The following USP34 variants were observed in gnomAD, a reference collection of about 807,000 sequenced individuals.
USP34 encodes ubiquitin specific peptidase 34.
USP34 carries 70 observed loss-of-function variants against 460.3 expected under a neutral mutation model. The ratio of observed to expected loss-of-function variants is 0.15; its 90% CI spans 0.13 to 0.19. USP34 has a LOEUF of 0.19. USP34 is among the 10% of genes least tolerant of loss of function. The pLI is 1.00. For synonymous variants in USP34, 1,647 were observed against 1,405.3 expected (o/e 1.17, Z -3.85); for missense variants, 3,985 against 4,236.2 (o/e 0.94, Z 1.65).
intron 75 of USP34, chr2:61,200,361 C>T (rs1686939259): frequency 6.6e-6 from 1 of 152,362 alleles, no homozygotes; most frequent in South Asian, 2.1e-4. Flanking sequence ...TTCTCTTTCC[C>T]TTTCTTTCCG....
chr2:61,456,176 G>A (rs1048676182), intron 1 of USP34, among the ~76,000 whole-genome samples: 8 of 152,220 alleles, frequency 5.3e-5, no homozygotes, highest in Non-Finnish European at 8.8e-5. Flanking sequence ...ATGGTTTTCA[G>A]TGTATTAGAT....
At chr2:61,449,191 C>T (rs544754098) in intron 1 of USP34, among the ~76,000 whole-genome samples, 21 of 150,698 alleles carry the variant, frequency 1.4e-4, no homozygotes, top group East Asian at 3.9e-4. Flanking sequence ...GAGGAGCGCT[C>T]GAACCTGGAA....
intron 38 of USP34, among the ~76,000 whole-genome samples, chr2:61,280,561 G>C (rs555074471): frequency 2.2e-4 from 34 of 151,920 alleles, no homozygotes; most frequent in Admixed American, 1.6e-3. Flanking sequence ...GAAAATATTA[G>C]TCTCAAATTA....
chr2:61,206,133 A>G lies in USP34; in HGVS notation c.9047-9T>C, dbSNP rs1206397682. 2 of 1,607,744 alleles carry G rather than the reference A, an allele frequency of 1.2e-6. No individual in the cohort carries two copies. Among genetic ancestry groups the G allele is most frequent in the East Asian group, 2.2e-5 (1 of 44,806 alleles). On this transcript the variant is annotated splice_polypyrimidine_tract_variant and intron_variant, in intron 71 of 79. Transcript: ENST00000398571. ...TAATGCTTGTTTCACATCTGCAAAT[A>G]TAAAAGCACATATAAATATGCCATC... is the stretch of plus-strand genomic sequence containing the variant.
Position 61,405,736 on chromosome 2 carries a change from T to C in USP34, c.524A>G (p.Tyr175Cys). The C allele has an allele frequency of 1.9e-6, 3 of 1,575,156 alleles. No individual in the cohort carries two copies. The highest frequency in any genetic ancestry group is 2.6e-6 in the Non-Finnish European group (3 of 1,165,380). ...AATAGTAGGGTGAGTATTATGCTTG[T>C]AAGCAGTATATAAGGGAAACTGAAT... is the stretch of plus-strand genomic sequence containing the variant. ...FQIQFPLYTA[Y>C]KHNTHPTIED... Residue 175 changes from tyrosine to cysteine, a missense_variant, in exon 3 of 80, where the codon TAC becomes TGC. Around this residue, in one of 14 missense-constraint regions of USP34, gnomAD observed 331 missense variants for 293.7 expected, o/e 1.13. Transcript: ENST00000398571.
At chr2:61,283,291 G>A in intron 36 of USP34, 22 bp from the exon 37 acceptor site, 1 of 1,607,782 alleles carries the variant, frequency 6.2e-7, no homozygotes, top group Non-Finnish European at 8.5e-7. Context: ...TTAGAAAACA[G>A]TTCACTATAA....
chr2:61,266,455 T>C (rs1689049241), intron 41 of USP34, among the ~76,000 whole-genome samples: 1 of 152,216 alleles, frequency 6.6e-6, no homozygotes, highest in South Asian at 2.1e-4. Flanking sequence ...AAAGTTTTTG[T>C]TAAGGCCTCA....
At chr2:61,392,904 C>T (rs1186805776) in intron 5 of USP34, among the ~76,000 whole-genome samples, 3 of 152,260 alleles carry the variant, frequency 2.0e-5, no homozygotes, top group East Asian at 3.9e-4. Context: ...GATACTTTCT[C>T]TCAGAGAATG....
At chr2:61,358,072 G>C (rs546005255) in intron 10 of USP34, among the ~76,000 whole-genome samples, 2 of 152,166 alleles carry the variant, frequency 1.3e-5, no homozygotes, top group South Asian at 4.1e-4. Flanking sequence ...CATGCCTGTA[G>C]TCCCAGCTAC....
chr2:61,329,667 G>A (rs1558533023), intron 20 of USP34, among the ~76,000 whole-genome samples: 1 of 152,080 alleles, frequency 6.6e-6, no homozygotes, highest in Non-Finnish European at 1.5e-5. Context: ...AAGAATCTCT[G>A]GATGTGGTTA....
Position 61,223,235 on chromosome 2 carries a change from G to C in USP34, c.7644+13C>G, listed in dbSNP as rs1687639354. The C allele has an allele frequency of 3.1e-6, 5 of 1,613,934 alleles. No individual in the cohort carries two copies. Among genetic ancestry groups the C allele is most frequent in the Non-Finnish European group, 3.4e-6 (4 of 1,179,918 alleles). Reference sequence around the variant, plus strand: ...GTGATGATCAAATTGTCTAATATTAGAGAATGTACTACCTTTCCTCCTGTT... The same window carrying C: ...GTGATGATCAAATTGTCTAATATTACAGAATGTACTACCTTTCCTCCTGTT... On this transcript the variant is annotated intron_variant, in intron 63 of 79. Transcript: ENST00000398571.
At chr2:61,350,180 T>C (rs1264878955) in intron 12 of USP34, 80 bp downstream of exon 12, 1 of 1,410,728 alleles carries the variant, frequency 7.1e-7, no homozygotes. Flanking sequence ...AAGATTGAAC[T>C]GAATGTATTA....
intron 23 of USP34, among the ~76,000 whole-genome samples, chr2:61,316,385 G>A (rs1329556116): frequency 3.3e-5 from 5 of 152,138 alleles, no homozygotes; most frequent in South Asian, 4.2e-4. Context: ...AGGAGTTCGA[G>A]ACTAGTCTGG....
At chr2:61,351,459 T>C (rs1208796358) in intron 10 of USP34, among the ~76,000 whole-genome samples, 1 of 146,942 alleles carries the variant, frequency 6.8e-6, no homozygotes, top group African/African-American at 2.4e-5. Context: ...TATTATGTCA[T>C]GTAAAATAAA....
chr2:61,258,121 C>T (rs983886830), intron 44 of USP34, among the ~76,000 whole-genome samples: 14 of 151,978 alleles, frequency 9.2e-5, no homozygotes, highest in Admixed American at 2.0e-4. Context: ...TGGGAGGGTA[C>T]GGCGAGTTGA....
At chr2:61,419,150 G>A (rs1213225535) in intron 2 of USP34, among the ~76,000 whole-genome samples, 2 of 151,994 alleles carry the variant, frequency 1.3e-5, no homozygotes, top group Non-Finnish European at 2.9e-5. Context: ...AGGTGATGAA[G>A]CAGGACTAGA....
At position 61,262,110 on chromosome 2, in the gene USP34, A is replaced by T. The variant is rs1285594991; in HGVS notation, c.5779-2334T>A. 6.4e-3 allele frequency among the ~76,000 whole-genome samples: 569 copies of T among 89,296 alleles called. 4 individuals are homozygous for T. Among genetic ancestry groups the T allele is most frequent in the African/African-American group, 0.023 (491 of 21,428 alleles). The allele number at this position is 89,296 out of a possible 152,430, so 58.6% of individuals were successfully genotyped here. A position where few individuals can be genotyped will look rare whatever the true frequency, so the allele number is the denominator to read the frequency against. On this transcript the variant is annotated intron_variant, in intron 43 of 79. Transcript: ENST00000398571. ...CGTCAAAAAAAAAAAAAAAAAAAAAAAAAAAAATATATATATATATATAGA... is the reference window on the plus strand; with the variant it reads ...CGTCAAAAAAAAAAAAAAAAAAAAATAAAAAAATATATATATATATATAGA...
At chr2:61,248,207 C>A (rs112963074) in intron 49 of USP34, among the ~76,000 whole-genome samples, 443 of 131,370 alleles carry the variant, frequency 3.4e-3, no homozygotes, top group Middle Eastern at 0.015. Flanking sequence ...AAAAAAAAAA[C>A]CCCCACAAAA....
intron 15 of USP34, among the ~76,000 whole-genome samples, chr2:61,345,559 C>A (rs1053795845): frequency 6.6e-6 from 1 of 152,202 alleles, no homozygotes; most frequent in Non-Finnish European, 1.5e-5. Context: ...TAACACTTAT[C>A]GAGCACTTAT....
Sources: gnomAD v4.1 joint callset for allele counts (sites outside exome capture counted in the v4.1 genomes callset) on GRCh38, gnomAD v4.1.1 for gene constraint, gnomAD v4.1.1 regional missense constraint, MANE v1.5 for transcripts, NCBI Gene and HGNC (gene_info 2026-07-23, HGNC 2026-07-21) for gene names.